COP1: variants seen among roughly 807,000 people sequenced by gnomAD.
The protein encoded by COP1 is E3 ubiquitin-protein ligase COP1.
In COP1, 24 loss-of-function variants were observed where a neutral mutation model predicts 101.3. The observed-to-expected ratio is 0.24, with a 90% CI of 0.17 to 0.33. The LOEUF (loss-of-function observed/expected upper bound fraction) is 0.33. COP1 is among the 10% of genes least tolerant of loss of function. The pLI is 1.00. For synonymous variants in COP1, 347 were observed against 341.9 expected (o/e 1.01, Z -0.17); for missense variants, 663 against 906.2 (o/e 0.73, Z 3.45).
At chr1:176,097,402 A>G (rs188420619) in intron 9 of COP1, among the ~76,000 whole-genome samples, 10 of 152,220 alleles carry the variant, frequency 6.6e-5, no homozygotes, top group Non-Finnish European at 1.5e-5. Context: ...TTAGAAGCTG[A>G]ATGTTTTCCT....
chr1:176,081,222 T>A lies in COP1; in HGVS notation c.1207A>T (p.Asn403Tyr). ...AATGTGGCTAAAGGTCGTACTGAAT[T>A]ATATCGAGTAAACTTGGACAAGCAT... The part of the protein sequence containing the change: ...QECLSKFTRY[N>Y]SVRPLATLSY... The change falls in exon 11 of 20, where the codon AAT (asparagine) becomes TAT (tyrosine). Residue 403 changes from asparagine (N) to tyrosine (Y), a missense_variant. By Grantham distance (143) the Asn-to-Tyr change is moderately radical. Around this residue, in one of 4 missense-constraint regions of COP1, gnomAD observed 212 missense variants for 240.7 expected, o/e 0.88. Coordinates refer to ENST00000367669, the MANE Select transcript of COP1 (RefSeq NM_022457.7). 6.2e-7 allele frequency: 1 copy of A among 1,611,130 alleles called. No individual in the cohort carries two copies. The highest frequency in any genetic ancestry group is 8.5e-7 in the Non-Finnish European group (1 of 1,178,244).
chr1:176,116,353 AAAAAAC>A (rs767208366), intron 9 of COP1, among the ~76,000 whole-genome samples: 2 of 152,202 alleles, frequency 1.3e-5, no homozygotes, highest in Admixed American at 6.5e-5. Context: ...GAGTGTCTCA[AAAAAAC>A]AAAAACAAAA....
chr1:176,177,823 G>A (rs1181434747), intron 2 of COP1, among the ~76,000 whole-genome samples: 3 of 152,014 alleles, frequency 2.0e-5, no homozygotes, highest in South Asian at 2.1e-4. Context: ...CCCAGGTTTC[G>A]CCCTTCTGGT....
At chr1:176,174,829 T>C (rs1379792494) in intron 3 of COP1, among the ~76,000 whole-genome samples, 1 of 152,194 alleles carries the variant, frequency 6.6e-6, no homozygotes, top group Non-Finnish European at 1.5e-5. Context: ...AGTGCCCTAC[T>C]TCATGCCTAC....
In COP1 at chr1:176,184,705, G is replaced by GA; in HGVS notation, c.408-14dup. On this transcript the variant is annotated splice_polypyrimidine_tract_variant and intron_variant, in intron 1 of 19. Transcript: ENST00000367669. ...AAAGCAGATGGGGCTAAAAAGAAAA[G>GA]AAAAATAATTGATTTTTTTTTAAAA... The GA allele has an allele frequency of 6.3e-7, 1 of 1,581,446 alleles. No homozygotes were observed.
At chr1:176,149,857 C>A (rs1267039424) in intron 5 of COP1, among the ~76,000 whole-genome samples, 1 of 151,890 alleles carries the variant, frequency 6.6e-6, no homozygotes, top group African/African-American at 2.4e-5. Context: ...CAATAAGAGA[C>A]AGTTTATGAA....
intron 15 of COP1, among the ~76,000 whole-genome samples, chr1:175,993,998 G>C (rs547683969): frequency 5.9e-5 from 9 of 152,298 alleles, no homozygotes; most frequent in South Asian, 2.1e-4. Context: ...CAGAGAGAAA[G>C]GTCGGGTTAA....
In COP1 at chr1:176,027,694, G is replaced by C. The variant is rs758880575; in HGVS notation, c.1613-6C>G. On this transcript the variant is annotated splice_polypyrimidine_tract_variant and splice_region_variant and intron_variant, in intron 14 of 19. Transcript: ENST00000367669. ...ATTGGTAGACCACAGCTTCACTAAGGGCAAAGGACAATAAAAACAAAAAGA... is the reference window on the plus strand; with the variant it reads ...ATTGGTAGACCACAGCTTCACTAAGCGCAAAGGACAATAAAAACAAAAAGA... The C allele has an allele frequency of 3.2e-6, 5 of 1,539,798 alleles. No individual in the cohort carries two copies. The South Asian group carries it at 5.6e-5, about 17-fold the overall frequency.
At chr1:175,967,658 G>A (rs1168366353) in intron 18 of COP1, among the ~76,000 whole-genome samples, 1 of 152,168 alleles carries the variant, frequency 6.6e-6, no homozygotes, top group Non-Finnish European at 1.5e-5. Context: ...TTAATACTTA[G>A]CAGCAGCTTT....
intron 1 of COP1, among the ~76,000 whole-genome samples, chr1:176,189,579 A>T (rs1018233340): frequency 1.1e-4 from 16 of 152,042 alleles, no homozygotes; most frequent in African/African-American, 3.1e-4. Context: ...CTGTACTACA[A>T]GATATATTAA....
chr1:176,136,110 T>C (rs960248594), intron 7 of COP1, among the ~76,000 whole-genome samples: 8 of 152,076 alleles, frequency 5.3e-5, no homozygotes, highest in Non-Finnish European at 1.2e-4. Flanking sequence ...CTTATATTTC[T>C]CTTTTAATTA....
At chr1:176,024,526 A>G (rs953489563) in intron 15 of COP1, among the ~76,000 whole-genome samples, 6 of 152,224 alleles carry the variant, frequency 3.9e-5, no homozygotes, top group Non-Finnish European at 7.3e-5. Flanking sequence ...CCTCACAGCC[A>G]ACACCATACT....
rs753195174 is a variant in COP1 at position 176,206,625 on chromosome 1, G to A, written c.354C>T (p.Pro118=). Residue 118 remains proline (P), a synonymous_variant, in exon 1 of 20, where the codon CCC becomes CCT. Transcript: ENST00000367669. Reference sequence around the variant, plus strand: ...AGGAGTTGATGAGCCCGTTGCAGAGGGGGGCGAGGAGAGGTCGCTTCCTGC... The same window carrying A: ...AGGAGTTGATGAGCCCGTTGCAGAGAGGGGCGAGGAGAGGTCGCTTCCTGC... ...SGSRKRPLLA[P]LCNGLINSYE... is the part of the protein sequence containing the mutation. The A allele has an allele frequency of 1.1e-5, 18 of 1,612,110 alleles. No homozygotes were observed. The highest frequency in any genetic ancestry group is 6.6e-5 in the South Asian group (6 of 91,084).
At chr1:176,128,278 T>G (rs1232408712) in intron 8 of COP1, among the ~76,000 whole-genome samples, 1 of 152,084 alleles carries the variant, frequency 6.6e-6, no homozygotes, top group Non-Finnish European at 1.5e-5. Flanking sequence ...CAAGAAAGGT[T>G]TTCAGAACTT....
intron 9 of COP1, among the ~76,000 whole-genome samples, chr1:176,115,556 G>A (rs892535959): frequency 1.3e-5 from 2 of 152,020 alleles, no homozygotes; most frequent in African/African-American, 2.4e-5. Context: ...AGACCTTCCT[G>A]GCTAACATGG....
chr1:176,193,905 A>C (rs911051188), intron 1 of COP1, among the ~76,000 whole-genome samples: 1 of 152,214 alleles, frequency 6.6e-6, no homozygotes, highest in Non-Finnish European at 1.5e-5. Flanking sequence ...TGTACTAAAA[A>C]CACAACTTTA....
intron 14 of COP1, among the ~76,000 whole-genome samples, chr1:176,033,160 C>T (rs1668912944): frequency 6.6e-6 from 1 of 152,054 alleles, no homozygotes; most frequent in African/African-American, 2.4e-5. Flanking sequence ...GCCTGTAATC[C>T]CAGCACCTTG....
At chr1:176,066,309 T>G (rs1244439195) in intron 11 of COP1, among the ~76,000 whole-genome samples, 4 of 152,128 alleles carry the variant, frequency 2.6e-5, no homozygotes, top group African/African-American at 7.2e-5. Flanking sequence ...ACTTTCAACA[T>G]CAAATAAGTG....
intron 9 of COP1, among the ~76,000 whole-genome samples, chr1:176,111,266 GCTAC>G (rs1271046109): frequency 1.3e-5 from 2 of 152,106 alleles, no homozygotes; most frequent in Non-Finnish European, 2.9e-5. Flanking sequence ...CAAAATAAAT[GCTAC>G]CTAATTATTT....
Sources: gnomAD v4.1 joint callset for allele counts (sites outside exome capture counted in the v4.1 genomes callset) on GRCh38, gnomAD v4.1.1 for gene constraint, gnomAD v4.1.1 regional missense constraint, MANE v1.5 for transcripts, NCBI Gene and HGNC (gene_info 2026-07-23, HGNC 2026-07-21) for gene names.